Variants in PDE8B observed in about 807,000 individuals in gnomAD.
The protein encoded by PDE8B is high affinity cAMP-specific and IBMX-insensitive 3',5'-cyclic phosphodiesterase 8B.
In PDE8B, 26 loss-of-function variants were observed where a neutral mutation model predicts 101.3. The observed-to-expected ratio is 0.26, with a 90% CI of 0.19 to 0.36. The LOEUF is 0.36. Among genes scored for constraint, PDE8B ranks in the 10% least tolerant of loss-of-function variants. The pLI, the probability that PDE8B is intolerant of heterozygous loss-of-function variation, is 1.00. For synonymous variants in PDE8B, 424 were observed against 429.3 expected, an observed-to-expected ratio of 0.99 and a Z score of 0.15; for missense variants, 810 against 1,163.1, an observed-to-expected ratio of 0.70 and a Z score of 4.42.
the PDE8B span, among the ~76,000 whole-genome samples, chr5:77,132,893 T>G: frequency 6.6e-6 from 1 of 152,228 alleles, no homozygotes; most frequent in Non-Finnish European, 1.5e-5. Context: ...TAACTGATAG[T>G]TTAGACGGAT....
At chr5:77,164,109 C>T in the PDE8B span, among the ~76,000 whole-genome samples, 1 of 152,210 alleles carries the variant, frequency 6.6e-6, no homozygotes, top group African/African-American at 2.4e-5. Context: ...GTGAAGAGCA[C>T]AGGGGTTGAC....
At chr5:77,245,271 G>C (rs1756621843) in intron 1 of PDE8B, among the ~76,000 whole-genome samples, 1 of 151,970 alleles carries the variant, frequency 6.6e-6, no homozygotes, top group Non-Finnish European at 1.5e-5. Flanking sequence ...AGCTAACAAT[G>C]GTTTAAAAAA....
the PDE8B span, among the ~76,000 whole-genome samples, chr5:77,111,613 A>G: frequency 6.6e-6 from 1 of 152,194 alleles, no homozygotes; most frequent in African/African-American, 2.4e-5. Flanking sequence ...GTGCTTTACA[A>G]CAAGCTCTTT....
intron 1 of PDE8B, among the ~76,000 whole-genome samples, chr5:77,267,347 G>A (rs1223932189): frequency 1.3e-5 from 2 of 151,998 alleles, no homozygotes; most frequent in African/African-American, 4.8e-5. Flanking sequence ...GGCTGAGGCA[G>A]GAGAATTGCT....
intron 10 of PDE8B, among the ~76,000 whole-genome samples, chr5:77,378,679 A>G (rs1786839191): frequency 6.6e-6 from 1 of 152,188 alleles, no homozygotes; most frequent in South Asian, 2.1e-4. Context: ...TACACTGAGC[A>G]CACCTTAAAT....
intron 10 of PDE8B, among the ~76,000 whole-genome samples, chr5:77,398,566 C>T (rs896750103): frequency 4.6e-5 from 7 of 152,112 alleles, no homozygotes; most frequent in African/African-American, 1.7e-4. Context: ...AAGTGATCAC[C>T]CGCTTTGGCC....
At chr5:77,261,064 T>C (rs1187322396) in intron 1 of PDE8B, among the ~76,000 whole-genome samples, 8 of 152,244 alleles carry the variant, frequency 5.3e-5, no homozygotes, top group Non-Finnish European at 1.2e-4. Context: ...AAAGTCTGCC[T>C]GAAAGCTGGT....
intron 1 of PDE8B, among the ~76,000 whole-genome samples, chr5:77,293,036 T>C (rs1273540704): frequency 6.6e-6 from 1 of 152,164 alleles, no homozygotes; most frequent in Non-Finnish European, 1.5e-5. Flanking sequence ...TCATGATGCA[T>C]AGAGCTGACT....
the PDE8B span, among the ~76,000 whole-genome samples, chr5:77,094,981 G>A: frequency 6.6e-6 from 1 of 152,000 alleles, no homozygotes; most frequent in Non-Finnish European, 1.5e-5. Context: ...GACTTGGAGG[G>A]GACAGATATT....
At chr5:77,240,298 C>T (rs940193691) in intron 1 of PDE8B, among the ~76,000 whole-genome samples, 3 of 152,148 alleles carry the variant, frequency 2.0e-5, no homozygotes, top group Non-Finnish European at 4.4e-5. Context: ...GGACTACAGA[C>T]GCCCGCCACC....
the PDE8B span, among the ~76,000 whole-genome samples, chr5:77,172,497 A>G: frequency 5.3e-5 from 8 of 152,222 alleles, no homozygotes; most frequent in Non-Finnish European, 1.2e-4. Context: ...GGGAACAAAG[A>G]ACATCTGATG....
At chr5:77,271,888 A>G (rs1004544923) in intron 1 of PDE8B, among the ~76,000 whole-genome samples, 1 of 152,270 alleles carries the variant, frequency 6.6e-6, no homozygotes, top group Admixed American at 6.5e-5. Context: ...TTGGGGAGGG[A>G]TGTGAATGTA....
chr5:77,263,016 A>G (rs899975373), intron 1 of PDE8B, among the ~76,000 whole-genome samples: 10 of 152,208 alleles, frequency 6.6e-5, no homozygotes, highest in Admixed American at 3.9e-4. Context: ...ACTGATTGAA[A>G]TGGGCATTGT....
At position 77,386,865 on chromosome 5, in the gene PDE8B, CTTTTTTTTTTT is replaced by C. The variant is rs59393259; in HGVS notation, c.1168-13364_1168-13354del. Among the ~76,000 whole-genome samples, 497 of 51,110 alleles carry C rather than the reference CTTTTTTTTTTT, an allele frequency of 9.7e-3. 10 individuals are homozygous for C. Among genetic ancestry groups the C allele is most frequent in the African/African-American group, 0.039 (420 of 10,784 alleles). The allele number at this position is 51,110 out of a possible 152,430, so 33.5% of individuals were successfully genotyped here. On this transcript the variant is annotated intron_variant, in intron 10 of 21. Transcript: ENST00000264917. ...TTTTGCCTGTTAGTTGATGTAGTTT[CTTTTTTTTTTT>C]TTTTTTTTTTTTTTTTTTGAGACGG...
At chr5:77,128,149 C>T in the PDE8B span, among the ~76,000 whole-genome samples, 1 of 152,196 alleles carries the variant, frequency 6.6e-6, no homozygotes, top group Non-Finnish European at 1.5e-5. Flanking sequence ...TGTCCAAGGA[C>T]CATAGTTACC....
In PDE8B at chr5:77,211,767, G is replaced by GA. The variant is rs534022745; in HGVS notation, c.339+504dup. Among the ~76,000 whole-genome samples the GA allele has an allele frequency of 1.2e-4, 18 of 152,336 alleles. No homozygotes were observed. In the East Asian group the frequency reaches 3.3e-3, roughly 28 times the overall value. On this transcript the variant is annotated intron_variant, in intron 1 of 21. Transcript: ENST00000264917. This position sits in a 1 kb window ranked among gnomAD's most constrained non-coding sequence, Gnocchi z 4.1. Reference sequence around the variant, plus strand: ...AGGCTGGAGTCTCAGCACAGGAACCGAGCGTAGGGATTTGTGAATGAATGA... The same window carrying GA: ...AGGCTGGAGTCTCAGCACAGGAACCGAAGCGTAGGGATTTGTGAATGAATGA...
Position 77,267,248 on chromosome 5 carries a change from G to A in PDE8B, c.340-44746G>A, listed in dbSNP as rs117401854. 4.9e-3 allele frequency among the ~76,000 whole-genome samples: 752 copies of A among 152,154 alleles called. 7 individuals carry two copies. The highest frequency in any genetic ancestry group is 0.024 in the Admixed American group (365 of 15,280). On this transcript the variant is annotated intron_variant, in intron 1 of 21. Coordinates refer to ENST00000264917, the MANE Select transcript of PDE8B (RefSeq NM_003719.5). ...AGGTCAGGAGATCAAGACCATCCTGGCTAAGGCGGGGAAACCCCATCTCTA... is the reference window on the plus strand; with the variant it reads ...AGGTCAGGAGATCAAGACCATCCTGACTAAGGCGGGGAAACCCCATCTCTA...
the PDE8B span, among the ~76,000 whole-genome samples, chr5:77,182,272 G>A: frequency 6.6e-6 from 1 of 151,632 alleles, no homozygotes; most frequent in Middle Eastern, 3.4e-3. Context: ...GTTTATGGAC[G>A]GAAGAGATAC....
the PDE8B span, among the ~76,000 whole-genome samples, chr5:77,097,699 A>ATCTATATC: frequency 5.5e-5 from 1 of 18,322 alleles, no homozygotes; most frequent in African/African-American, 1.4e-4. Flanking sequence ...ATATCTATAT[A>ATCTATATC]TATATATCTA....
Sources: gnomAD v4.1 joint callset for allele counts (sites outside exome capture counted in the v4.1 genomes callset) on GRCh38, gnomAD v4.1.1 for gene constraint, Gnocchi (gnomAD v3.1) non-coding constraint, MANE v1.5 for transcripts, NCBI Gene and HGNC (gene_info 2026-07-23, HGNC 2026-07-21) for gene names.